The following CDH13 variants were observed in gnomAD, a reference collection of about 807,000 sequenced individuals.
The protein encoded by CDH13 is cadherin-13.
Under a neutral mutation model 63.8 loss-of-function variants are expected in CDH13, and 24 were observed. The ratio of observed to expected loss-of-function variants is 0.38; its 90% CI spans 0.27 to 0.53. The LOEUF is 0.53. Among genes scored for constraint, CDH13 ranks in the 20% least tolerant of loss-of-function variants. The pLI is 0.85. For missense variants in CDH13, 1,049 were observed against 903.1 expected (o/e 1.16, Z -2.07); for synonymous variants, 503 against 355.3 (o/e 1.42, Z -4.67).
intron 5 of CDH13, among the ~76,000 whole-genome samples, chr16:83,253,787 G>A (rs1342427785): frequency 6.6e-6 from 1 of 152,192 alleles, no homozygotes; most frequent in Non-Finnish European, 1.5e-5. Flanking sequence ...TTGTCATTAT[G>A]TACACACAGC....
chr16:82,969,290 C>T (rs142424763), intron 2 of CDH13, among the ~76,000 whole-genome samples: 40 of 152,042 alleles, frequency 2.6e-4, no homozygotes, highest in African/African-American at 7.7e-4. Flanking sequence ...GCCCTATACA[C>T]GATACATAAA....
At chr16:83,026,601 T>G (rs117152574) in intron 2 of CDH13, among the ~76,000 whole-genome samples, 1 of 151,898 alleles carries the variant, frequency 6.6e-6, no homozygotes, top group Non-Finnish European at 1.5e-5. Context: ...ATAGTGGCAA[T>G]TAGAAAAAAA....
At chr16:83,711,463 T>C (rs999343612) in intron 10 of CDH13, among the ~76,000 whole-genome samples, 1 of 152,178 alleles carries the variant, frequency 6.6e-6, no homozygotes, top group Non-Finnish European at 1.5e-5. Flanking sequence ...CTAGCATGTG[T>C]GTGGTTGTTT....
chr16:83,703,899 C>T (rs1308090137), intron 10 of CDH13, among the ~76,000 whole-genome samples: 2 of 152,140 alleles, frequency 1.3e-5, no homozygotes, highest in African/African-American at 4.8e-5. Context: ...TTTCAGCCAC[C>T]GTAACATCCA....
chr16:82,933,880 T>G (rs2042581647), intron 2 of CDH13, among the ~76,000 whole-genome samples: 2 of 152,206 alleles, frequency 1.3e-5, no homozygotes, highest in South Asian at 4.1e-4. Context: ...ATGCAGGAAG[T>G]GTGTTCCCAT....
chr16:83,441,723 G>A (rs556274377), intron 6 of CDH13, among the ~76,000 whole-genome samples: 33 of 152,034 alleles, frequency 2.2e-4, no homozygotes, highest in Non-Finnish European at 4.0e-4. Flanking sequence ...CCCTGAACCC[G>A]GATAGAAACG....
At chr16:82,687,227 G>T in intron 1 of CDH13, among the ~76,000 whole-genome samples, 1 of 152,200 alleles carries the variant, frequency 6.6e-6, no homozygotes, top group East Asian at 1.9e-4. Context: ...TGGAAGGTGT[G>T]TAAAGGAGGA....
At chr16:83,457,940 G>T (rs938337008) in intron 6 of CDH13, among the ~76,000 whole-genome samples, 5 of 152,184 alleles carry the variant, frequency 3.3e-5, no homozygotes, top group Admixed American at 6.5e-5. Context: ...ACCCTCATCG[G>T]ACATACGCAG....
In CDH13 at chr16:83,113,174, T is replaced by C. The variant is rs570055174; in HGVS notation, c.367-12211T>C. ...CAAAAGGGAGAATTTTCTAAAAATTTTCTATAGATTTGGTTACTTCACAAA... is the reference window on the plus strand; with the variant it reads ...CAAAAGGGAGAATTTTCTAAAAATTCTCTATAGATTTGGTTACTTCACAAA... On this transcript the variant is annotated intron_variant, in intron 3 of 13. Transcript: ENST00000567109. Among the ~76,000 whole-genome samples the C allele has an allele frequency of 4.3e-4, 65 of 152,330 alleles. No homozygotes were observed. The South Asian group carries it at 5.4e-3, about 13-fold the overall frequency.
intron 8 of CDH13, among the ~76,000 whole-genome samples, chr16:83,669,711 C>T (rs191515291): frequency 6.6e-6 from 1 of 152,294 alleles, no homozygotes; most frequent in African/African-American, 2.4e-5. Context: ...ATTAATCAGC[C>T]ACTGCTTTTG....
intron 6 of CDH13, among the ~76,000 whole-genome samples, chr16:83,434,843 A>ATG (rs1442298017): frequency 1.3e-4 from 8 of 62,722 alleles, no homozygotes; most frequent in African/African-American, 5.0e-4. Context: ...TAAAATATAT[A>ATG]TATATGTGTG....
intron 9 of CDH13, among the ~76,000 whole-genome samples, chr16:83,675,956 C>G (rs1427057896): frequency 6.6e-6 from 1 of 152,210 alleles, no homozygotes; most frequent in Admixed American, 6.5e-5. Context: ...GGTCCTGACA[C>G]TGTGCTAGGT....
At chr16:83,002,004 C>T (rs970750610) in intron 2 of CDH13, among the ~76,000 whole-genome samples, 2 of 152,316 alleles carry the variant, frequency 1.3e-5, no homozygotes, top group Admixed American at 6.5e-5. Context: ...TTGTATTTGA[C>T]TCATTCATTT....
At chr16:82,998,004 CATAA>C (rs1912437014) in intron 2 of CDH13, among the ~76,000 whole-genome samples, 1 of 152,156 alleles carries the variant, frequency 6.6e-6, no homozygotes, top group Admixed American at 6.5e-5. Flanking sequence ...TGTTGTATTT[CATAA>C]ATAGAGAAAG....
intron 6 of CDH13, among the ~76,000 whole-genome samples, chr16:83,441,657 C>G (rs532318712): frequency 5.4e-4 from 82 of 152,236 alleles, no homozygotes; most frequent in Middle Eastern, 3.4e-3. Flanking sequence ...CGGTTTATGA[C>G]TCACAGCTGC....
intron 6 of CDH13, among the ~76,000 whole-genome samples, chr16:83,350,143 A>G (rs1208952369): frequency 6.6e-6 from 1 of 152,188 alleles, no homozygotes; most frequent in Non-Finnish European, 1.5e-5. Flanking sequence ...CCTGGGATCC[A>G]TCAGCTCCAA....
chr16:83,602,524 C>T lies in CDH13; in HGVS notation c.1031C>T (p.Thr344Ile), dbSNP rs763494518. Residue 344 changes from threonine to isoleucine, a missense_variant, in exon 8 of 14, where the codon ACA becomes ATA. Transcript: ENST00000567109. Reference sequence around the variant, plus strand: ...ATGGCTGGACTGGATGTTGGATTAACAGGCACGGCCACAGCCACGATCATG... The same window carrying T: ...ATGGCTGGACTGGATGTTGGATTAATAGGCACGGCCACAGCCACGATCATG... ...QDMAGLDVGL[T>I]GTATATIMID... 6.2e-7 allele frequency: 1 copy of T among 1,613,908 alleles called. No homozygotes were observed. Among genetic ancestry groups the T allele is most frequent in the South Asian group, 1.1e-5 (1 of 91,080 alleles).
At chr16:82,850,779 A>G (rs1461446824) in intron 1 of CDH13, among the ~76,000 whole-genome samples, 1 of 152,208 alleles carries the variant, frequency 6.6e-6, no homozygotes. Flanking sequence ...ACCAAAATGG[A>G]GGCAAGACCC....
chr16:82,829,801 A>G (rs149290521), intron 1 of CDH13, among the ~76,000 whole-genome samples: 2 of 152,276 alleles, frequency 1.3e-5, no homozygotes, highest in African/African-American at 4.8e-5. Flanking sequence ...AACCAGTGGC[A>G]TATTTATTGA....
Sources: allele counts gnomAD v4.1 joint callset (sites outside exome capture counted in the v4.1 genomes callset), GRCh38; gene constraint gnomAD v4.1.1; transcripts MANE v1.5; gene names NCBI Gene and HGNC (gene_info 2026-07-23, HGNC 2026-07-21).